The following NTM variants were observed in gnomAD, a reference collection of about 807,000 sequenced individuals.
The protein encoded by NTM is IgLON family member 2.
Under a neutral mutation model 42.1 loss-of-function variants are expected in NTM, and 13 were observed. The observed-to-expected ratio is 0.31, with a 90% CI of 0.20 to 0.49. NTM has a LOEUF of 0.49. Among genes scored for constraint, NTM ranks in the 20% least tolerant of loss-of-function variants. The pLI, the probability that NTM is intolerant of heterozygous loss-of-function variation, is 0.99. For synonymous variants in NTM, 187 were observed against 179.2 expected (o/e 1.04, Z -0.35); for missense variants, 373 against 452.8 (o/e 0.82, Z 1.60).
intron 1 of NTM, among the ~76,000 whole-genome samples, chr11:131,427,197 C>T (rs1215519028): frequency 1.3e-5 from 2 of 151,886 alleles, no homozygotes. Flanking sequence ...TTTGGGAATG[C>T]TTTTTCTGTG....
At chr11:132,196,704 T>C (rs1052869514) in intron 3 of NTM, among the ~76,000 whole-genome samples, 2 of 152,064 alleles carry the variant, frequency 1.3e-5, no homozygotes, top group African/African-American at 2.4e-5. Context: ...TTCCCACTTA[T>C]AAGTGGGAGC....
chr11:132,086,251 G>A (rs2059689780), intron 2 of NTM, among the ~76,000 whole-genome samples: 1 of 149,902 alleles, frequency 6.7e-6, no homozygotes, highest in Non-Finnish European at 1.5e-5. Context: ...ATGAACCCAG[G>A]AGGCGGAGCT....
intron 1 of NTM, among the ~76,000 whole-genome samples, chr11:131,524,805 T>C (rs2050227202): frequency 6.6e-6 from 1 of 152,158 alleles, no homozygotes; most frequent in African/African-American, 2.4e-5. Context: ...CACTGATCAG[T>C]GGCGGCCGGG....
At chr11:131,496,260 C>A (rs575148260) in intron 1 of NTM, among the ~76,000 whole-genome samples, 1 of 152,224 alleles carries the variant, frequency 6.6e-6, no homozygotes, top group Non-Finnish European at 1.5e-5. Context: ...TTTACACCCC[C>A]TTCACCTCAA....
intron 4 of NTM, among the ~76,000 whole-genome samples, chr11:132,221,703 G>T (rs188699282): frequency 6.6e-6 from 1 of 152,300 alleles, no homozygotes; most frequent in Admixed American, 6.5e-5. Context: ...GTGTAAATGT[G>T]CTCTGTGCCC....
intron 1 of NTM, among the ~76,000 whole-genome samples, chr11:131,405,308 A>G (rs1945689025): frequency 6.6e-6 from 1 of 152,194 alleles, no homozygotes; most frequent in Non-Finnish European, 1.5e-5. Context: ...CATTGCATCC[A>G]TTTGATGCAA....
intron 4 of NTM, among the ~76,000 whole-genome samples, chr11:132,275,226 G>T (rs1231720153): frequency 1.3e-5 from 2 of 152,044 alleles, no homozygotes; most frequent in African/African-American, 4.8e-5. Flanking sequence ...TGTAAGGAAG[G>T]CATTGAGATA....
intron 1 of NTM, among the ~76,000 whole-genome samples, chr11:131,850,514 G>A (rs975868144): frequency 6.6e-6 from 1 of 152,150 alleles, no homozygotes; most frequent in African/African-American, 2.4e-5. Flanking sequence ...GAGACTGGGG[G>A]TCGATTTCCT....
At chr11:131,789,487 GAAGAGGAAAGAAGAA>G (rs2090069022) in intron 1 of NTM, among the ~76,000 whole-genome samples, 1 of 8,506 alleles carries the variant, frequency 1.2e-4, no homozygotes, top group Non-Finnish European at 2.3e-4. Flanking sequence ...AGAAGAAGAA[GAAGAGGAAAGAAGAA>G]GAAGAAGAAG....
intron 1 of NTM, among the ~76,000 whole-genome samples, chr11:131,807,621 C>T (rs566166805): frequency 6.6e-6 from 1 of 152,282 alleles, no homozygotes; most frequent in South Asian, 2.1e-4. Context: ...ATGCCCGTCT[C>T]ATAGAAAGAT....
At chr11:131,884,280 A>C (rs1241605964) in intron 1 of NTM, among the ~76,000 whole-genome samples, 1 of 152,084 alleles carries the variant, frequency 6.6e-6, no homozygotes, top group Non-Finnish European at 1.5e-5. Flanking sequence ...ATGGTGGTGC[A>C]TGCCTGTAAT....
rs144546028 is a variant in NTM at position 131,825,590 on chromosome 11, G to T, written c.83-85974G>T. On this transcript the variant is annotated intron_variant, in intron 1 of 8. Transcript: ENST00000683400. ...CCCAACCTCTGCACTGTATGGGAAG[G>T]TTGGGTGTGGACAGACCTGTTGAAG... 4.9e-3 allele frequency among the ~76,000 whole-genome samples: 750 copies of T among 152,278 alleles called. 4 individuals carry two copies. Among genetic ancestry groups the T allele is most frequent in the Non-Finnish European group, 8.1e-3 (548 of 68,016 alleles).
chr11:132,017,332 C>T (rs2846323), intron 2 of NTM, among the ~76,000 whole-genome samples: 68,258 of 151,656 alleles, frequency 0.45, 16,106 homozygotes, highest in East Asian at 0.82. Context: ...AAAGGGTCTA[C>T]GCTCATTTTA....
chr11:131,672,520 C>T (rs983128652), intron 1 of NTM, among the ~76,000 whole-genome samples: 29 of 152,346 alleles, frequency 1.9e-4, no homozygotes, highest in African/African-American at 7.0e-4. Context: ...GGATTCCAGG[C>T]CATTCTCTTC....
At chr11:132,035,613 A>T (rs1402572057) in intron 2 of NTM, among the ~76,000 whole-genome samples, 2 of 152,076 alleles carry the variant, frequency 1.3e-5, no homozygotes, top group Non-Finnish European at 2.9e-5. Flanking sequence ...TAAATTGGCT[A>T]TTGGGCTATT....
At chr11:132,132,083 G>GA (rs1255747331) in intron 2 of NTM, among the ~76,000 whole-genome samples, 3 of 151,572 alleles carry the variant, frequency 2.0e-5, no homozygotes, top group African/African-American at 7.3e-5. Flanking sequence ...ACTTTGGAAT[G>GA]AACCAGCTGA....
At chr11:131,553,665 G>A (rs1019325149) in intron 1 of NTM, among the ~76,000 whole-genome samples, 4 of 152,054 alleles carry the variant, frequency 2.6e-5, no homozygotes, top group African/African-American at 7.3e-5. Flanking sequence ...CCTATATTAC[G>A]GCAACATTTC....
At chr11:131,533,081 A>T (rs1044879429) in intron 1 of NTM, among the ~76,000 whole-genome samples, 1 of 152,076 alleles carries the variant, frequency 6.6e-6, no homozygotes, top group Non-Finnish European at 1.5e-5. Flanking sequence ...TATTTAAATA[A>T]TTTTTATTGT....
intron 3 of NTM, among the ~76,000 whole-genome samples, chr11:132,149,364 T>C (rs2071347548): frequency 6.6e-6 from 1 of 152,044 alleles, no homozygotes; most frequent in Non-Finnish European, 1.5e-5. Flanking sequence ...GCTTCTGGAA[T>C]AAAAGTTGGG....
Sources: allele counts gnomAD v4.1 joint callset (sites outside exome capture counted in the v4.1 genomes callset), GRCh38; gene constraint gnomAD v4.1.1; transcripts MANE v1.5; gene names NCBI Gene and HGNC (gene_info 2026-07-23, HGNC 2026-07-21).